Variants in KLF13 observed in about 807,000 individuals in gnomAD.
KLF13 encodes the protein KLF transcription factor 13.
In KLF13, 8 loss-of-function variants were observed where a neutral mutation model predicts 16.7. The ratio of observed to expected loss-of-function variants is 0.48; its 90% CI spans 0.28 to 0.87. KLF13 has a LOEUF of 0.87. Ranked by LOEUF, KLF13 falls within the 40% of genes least tolerant of loss-of-function variation. The probability of loss-of-function intolerance (pLI) is 0.10; values close to 1 mark genes in which losing one functional copy is unlikely to be tolerated. For synonymous variants in KLF13, 245 were observed against 208.4 expected, an observed-to-expected ratio of 1.18 and a Z score of -1.51; for missense variants, 447 against 452.2, an observed-to-expected ratio of 0.99 and a Z score of 0.10.
At chr15:31,364,682 G>C (rs574209520) in intron 1 of KLF13, among the ~76,000 whole-genome samples, 1 of 152,382 alleles carries the variant, frequency 6.6e-6, no homozygotes, top group East Asian at 1.9e-4. Flanking sequence ...CCTTGCCCCA[G>C]GCAGGTTCCA....
At chr15:31,351,925 T>C (rs1265273815) in intron 1 of KLF13, among the ~76,000 whole-genome samples, 1 of 151,794 alleles carries the variant, frequency 6.6e-6, no homozygotes, top group Non-Finnish European at 1.5e-5. Flanking sequence ...AGGCAGAGAA[T>C]TGCTTGAACC....
intron 1 of KLF13, among the ~76,000 whole-genome samples, chr15:31,411,068 G>C (rs892992015): frequency 6.6e-6 from 1 of 152,178 alleles, no homozygotes; most frequent in African/African-American, 2.4e-5. Context: ...AGAAGTGTTT[G>C]CAGGTTAGTT....
chr15:31,405,775 C>G (rs1474789802), downstream of KLF13, among the ~76,000 whole-genome samples: 1 of 152,160 alleles, frequency 6.6e-6, no homozygotes, highest in Non-Finnish European at 1.5e-5. Context: ...AAAGGGGACC[C>G]TTGGCAGCTA....
chr15:31,416,932 T>C (rs2040262418), intron 1 of KLF13, among the ~76,000 whole-genome samples: 1 of 152,166 alleles, frequency 6.6e-6, no homozygotes. Flanking sequence ...CATTGAGAGG[T>C]GGAGCCTTTA....
intron 1 of KLF13, among the ~76,000 whole-genome samples, chr15:31,410,622 CACA>C (rs2040182434): frequency 8.3e-6 from 1 of 119,850 alleles, no homozygotes; most frequent in Admixed American, 8.2e-5. Flanking sequence ...CACACACACA[CACA>C]CCCCTATAAC....
intron 1 of KLF13, among the ~76,000 whole-genome samples, chr15:31,413,208 A>C (rs1256852139): frequency 3.3e-5 from 5 of 150,888 alleles, no homozygotes; most frequent in East Asian, 1.9e-4. Context: ...AAAAACAAAA[A>C]ACAAAAAAAC....
At chr15:31,425,609 G>A (rs2040391211) in intron 1 of KLF13, among the ~76,000 whole-genome samples, 1 of 152,176 alleles carries the variant, frequency 6.6e-6, no homozygotes, top group South Asian at 2.1e-4. Flanking sequence ...GGGTGCAGTG[G>A]CTCACACCTG....
chr15:31,410,621 A>ACACACC (rs1555382140), intron 1 of KLF13, among the ~76,000 whole-genome samples: 29 of 144,840 alleles, frequency 2.0e-4, no homozygotes, highest in African/African-American at 7.0e-4. Flanking sequence ...ACACACACAC[A>ACACACC]CACACCCCTA....
At chr15:31,347,569 A>G (rs2039144015) in intron 1 of KLF13, among the ~76,000 whole-genome samples, 1 of 152,200 alleles carries the variant, frequency 6.6e-6, no homozygotes, top group Non-Finnish European at 1.5e-5. Context: ...GGTGCTGCTC[A>G]TGAGGGACGA....
intron 1 of KLF13, among the ~76,000 whole-genome samples, chr15:31,418,207 A>T (rs1470933441): frequency 6.6e-6 from 1 of 152,200 alleles, no homozygotes; most frequent in Non-Finnish European, 1.5e-5. Flanking sequence ...GGAAGCAGCT[A>T]AAGTTGTACT....
chr15:31,341,342 G>A (rs962350558), intron 1 of KLF13, among the ~76,000 whole-genome samples: 2 of 152,160 alleles, frequency 1.3e-5, no homozygotes, highest in Admixed American at 6.5e-5. Context: ...GTGTGCGTGT[G>A]TGTTCACGTG....
intron 1 of KLF13, among the ~76,000 whole-genome samples, chr15:31,414,323 A>C (rs1308560215): frequency 6.6e-6 from 1 of 152,182 alleles, no homozygotes; most frequent in Non-Finnish European, 1.5e-5. Flanking sequence ...CAGAAAAAAC[A>C]CAGGACATAT....
In KLF13 at chr15:31,431,460, C is replaced by A. The variant is rs567053166; in HGVS notation, n.118-3910C>A. 2.0e-5 allele frequency among the ~76,000 whole-genome samples: 3 copies of A among 152,200 alleles called. No individual in the cohort carries two copies. In the East Asian group the frequency reaches 5.8e-4, roughly 29 times the overall value. On this transcript the variant is annotated intron_variant and non_coding_transcript_variant, in intron 1 of 1. Transcript: ENST00000558225. ...AAAAATGAATTGCAAATGCCTACAG[C>A]AACATGGTTAAATTTTTTTTTTTAG...
intron 1 of KLF13, among the ~76,000 whole-genome samples, chr15:31,341,407 A>G (rs1163596657): frequency 1.4e-5 from 2 of 148,128 alleles, no homozygotes; most frequent in Non-Finnish European, 3.0e-5. Flanking sequence ...GCAAAATTTC[A>G]CCCCCTGCAG....
downstream of KLF13, among the ~76,000 whole-genome samples, chr15:31,379,835 C>G (rs2140974532): frequency 6.6e-6 from 1 of 152,246 alleles, no homozygotes; most frequent in African/African-American, 2.4e-5. Context: ...ACCCTTTTTC[C>G]ATATTTCTCA....
At chr15:31,331,816 C>T (rs1319669703) in intron 1 of KLF13, among the ~76,000 whole-genome samples, 1 of 152,256 alleles carries the variant, frequency 6.6e-6, no homozygotes, top group Admixed American at 6.5e-5. Flanking sequence ...TTTTTCTTTA[C>T]AGACCTTCTA....
At chr15:31,403,018 G>T (rs969414980) in intron 2 of KLF13, among the ~76,000 whole-genome samples, 1 of 152,208 alleles carries the variant, frequency 6.6e-6, no homozygotes, top group Admixed American at 6.5e-5. Flanking sequence ...AAAAATGGAT[G>T]CCAGGAAGGG....
In KLF13 at chr15:31,373,792, T is replaced by G. The variant is rs923046685; in HGVS notation, c.*1493T>G. 146 of 151,826 alleles carry G rather than the reference T, an allele frequency of 9.6e-4. 2 individuals carry two copies. The highest frequency in any genetic ancestry group is 1.4e-3 in the Non-Finnish European group (98 of 68,032). The allele number at this position is 151,826 out of a possible 1,614,324, so 9.4% of individuals were successfully genotyped here. On this transcript the variant is annotated 3_prime_UTR_variant, in exon 2 of 2. Coordinates refer to ENST00000307145, the MANE Select transcript of KLF13 (RefSeq NM_015995.4). Reference sequence around the variant, plus strand: ...CTTGTGGCCCAGGTATCACCTTCCCTTCCTCCTGAGAGTTGAGGCCTGTAA... The same window carrying G: ...CTTGTGGCCCAGGTATCACCTTCCCGTCCTCCTGAGAGTTGAGGCCTGTAA...
At chr15:31,358,311 TAC>T (rs2039331936) in intron 1 of KLF13, among the ~76,000 whole-genome samples, 1 of 152,236 alleles carries the variant, frequency 6.6e-6, no homozygotes, top group Non-Finnish European at 1.5e-5. Context: ...TCTGCATTCT[TAC>T]AGTTTCTGTC....
Sources: gnomAD v4.1 joint callset for allele counts (sites outside exome capture counted in the v4.1 genomes callset) on GRCh38, gnomAD v4.1.1 for gene constraint, MANE v1.5 for transcripts, NCBI Gene and HGNC (gene_info 2026-07-23, HGNC 2026-07-21) for gene names.